The following SORCS2 variants were observed in gnomAD, a reference collection of about 807,000 sequenced individuals.
SORCS2 encodes sortilin related VPS10 domain containing receptor 2, also known as VPS10 domain-containing receptor SorCS2.
Under a neutral mutation model 141.6 loss-of-function variants are expected in SORCS2, and 100 were observed. The observed-to-expected ratio is 0.71, with a 90% CI of 0.60 to 0.83. SORCS2 has a LOEUF of 0.83. Ranked by LOEUF, SORCS2 falls within the 40% of genes least tolerant of loss-of-function variation. SORCS2 has a pLI of 0.00. For synonymous variants in SORCS2, 789 were observed against 676.9 expected, an observed-to-expected ratio of 1.17 and a Z score of -2.57; for missense variants, 1,646 against 1,560.2, an observed-to-expected ratio of 1.05 and a Z score of -0.93.
At chr4:7,537,994 G>C (rs1427985353) in intron 3 of SORCS2, among the ~76,000 whole-genome samples, 1 of 152,136 alleles carries the variant, frequency 6.6e-6, no homozygotes, top group Non-Finnish European at 1.5e-5. Flanking sequence ...TCAAAAGAAA[G>C]AAAAGGGGGC....
intron 2 of SORCS2, among the ~76,000 whole-genome samples, chr4:7,518,981 C>T (rs894459139): frequency 2.0e-5 from 3 of 152,216 alleles, no homozygotes; most frequent in African/African-American, 7.2e-5. Flanking sequence ...CTCCTTCACC[C>T]ATACCTGCTG....
chr4:7,457,968 C>G (rs1030266029), intron 2 of SORCS2, among the ~76,000 whole-genome samples: 1 of 152,170 alleles, frequency 6.6e-6, no homozygotes, highest in Non-Finnish European at 1.5e-5. Flanking sequence ...CACTGTTAGC[C>G]CGAGAGGCCG....
chr4:7,596,268 A>G (rs1717270758), intron 3 of SORCS2, among the ~76,000 whole-genome samples: 1 of 152,238 alleles, frequency 6.6e-6, no homozygotes, highest in South Asian at 2.1e-4. Flanking sequence ...GGTGAGATTC[A>G]CAATGGCCAG....
chr4:7,500,292 GGT>G (rs368490504), intron 2 of SORCS2, among the ~76,000 whole-genome samples: 9 of 139,150 alleles, frequency 6.5e-5, no homozygotes, highest in African/African-American at 2.2e-4. Flanking sequence ...GGCAGGATAA[GGT>G]GGATCAATAC....
At chr4:7,245,482 A>G (rs967534823) in intron 1 of SORCS2, among the ~76,000 whole-genome samples, 4 of 152,278 alleles carry the variant, frequency 2.6e-5, no homozygotes, top group Non-Finnish European at 5.9e-5. Context: ...CTTTAGAGTC[A>G]GAAAGACCTG....
At chr4:7,262,335 T>C (rs192248350) in intron 1 of SORCS2, among the ~76,000 whole-genome samples, 12,296 of 144,828 alleles carry the variant, frequency 0.085, 650 homozygotes, top group East Asian at 0.26. Context: ...TCCATCCATC[T>C]ATCCATCCAT....
intron 3 of SORCS2, among the ~76,000 whole-genome samples, chr4:7,543,703 TCCATCCAC>T (rs1157943501): frequency 0.016 from 305 of 18,880 alleles, 14 homozygotes; most frequent in African/African-American, 0.054. Context: ...CACCCATCCA[TCCATCCAC>T]CCATCCACCC....
At chr4:7,249,469 AG>A (rs2108802867) in intron 1 of SORCS2, among the ~76,000 whole-genome samples, 1 of 152,348 alleles carries the variant, frequency 6.6e-6, no homozygotes, top group African/African-American at 2.4e-5. Context: ...TTGCAGAGCA[AG>A]CCCAGGTTCA....
At chr4:7,547,037 C>T (rs1188605507) in intron 3 of SORCS2, among the ~76,000 whole-genome samples, 1 of 152,132 alleles carries the variant, frequency 6.6e-6, no homozygotes, top group Non-Finnish European at 1.5e-5. Flanking sequence ...TTTAACAACC[C>T]CTGCTTTCTG....
At chr4:7,474,590 G>C (rs1274291057) in intron 2 of SORCS2, among the ~76,000 whole-genome samples, 1 of 152,160 alleles carries the variant, frequency 6.6e-6, no homozygotes, top group Non-Finnish European at 1.5e-5. Context: ...TGGGGTGCTG[G>C]GTGGGCCCAG....
chr4:7,358,535 G>A (rs1178416682), intron 1 of SORCS2, among the ~76,000 whole-genome samples: 10 of 152,210 alleles, frequency 6.6e-5, no homozygotes, highest in East Asian at 5.8e-4. Flanking sequence ...ATGCATTCCC[G>A]TCCCAGATGG....
intron 2 of SORCS2, among the ~76,000 whole-genome samples, chr4:7,515,555 TGAG>T (rs1362364982): frequency 7.2e-5 from 11 of 152,204 alleles, no homozygotes; most frequent in Non-Finnish European, 1.5e-4. Context: ...CTCAGCACAT[TGAG>T]GAGGCCTGGA....
intron 3 of SORCS2, among the ~76,000 whole-genome samples, chr4:7,615,177 C>G (rs957787193): frequency 6.6e-6 from 1 of 152,256 alleles, no homozygotes; most frequent in Non-Finnish European, 1.5e-5. Flanking sequence ...ATTCATCCAT[C>G]TGCCTTCCTT....
At chr4:7,558,791 A>G (rs1010652808) in intron 3 of SORCS2, among the ~76,000 whole-genome samples, 5 of 152,186 alleles carry the variant, frequency 3.3e-5, no homozygotes, top group African/African-American at 9.6e-5. Context: ...AGCTTTCCCA[A>G]GGGGGCTGTC....
At chr4:7,661,452 G>A in intron 5 of SORCS2, 48 bp from the exon 6 acceptor site, 1 of 1,544,622 alleles carries the variant, frequency 6.5e-7, no homozygotes, top group Non-Finnish European at 8.8e-7. Context: ...CTGGGGGACG[G>A]GCATGGTGAC....
chr4:7,290,796 T>TTTAATTCA (rs1553828751), intron 1 of SORCS2, among the ~76,000 whole-genome samples: 2 of 151,246 alleles, frequency 1.3e-5, no homozygotes, highest in African/African-American at 2.4e-5. Context: ...GGCTGCATTC[T>TTTAATTCA]TTCATTCATT....
At chr4:7,318,558 A>G (rs570092683) in intron 1 of SORCS2, among the ~76,000 whole-genome samples, 24 of 152,264 alleles carry the variant, frequency 1.6e-4, no homozygotes, top group African/African-American at 5.3e-4. Flanking sequence ...CCCAGTTTTG[A>G]TGGTAAAATG....
chr4:7,365,325 G>C (rs1721812580), intron 1 of SORCS2, among the ~76,000 whole-genome samples: 1 of 152,112 alleles, frequency 6.6e-6, no homozygotes, highest in African/African-American at 2.4e-5. Context: ...GAGGGCGCAA[G>C]GTTTGGGGGT....
At position 7,653,898 on chromosome 4, in the gene SORCS2, C is replaced by T. The variant is rs148625135; in HGVS notation, c.814-236C>T. ...CTCTGTGAGACCCCTCTGGATTTCA[C>T]CCTGGAGAACCTCATCTCCTGGCTC... On this transcript the variant is annotated intron_variant, in intron 4 of 26. Coordinates refer to ENST00000507866, the MANE Select transcript of SORCS2 (RefSeq NM_020777.3). Among the ~76,000 whole-genome samples, 240 of 152,338 alleles carry T rather than the reference C, an allele frequency of 1.6e-3. 3 individuals carry two copies. The highest frequency in any genetic ancestry group is 5.6e-3 in the African/African-American group (233 of 41,582).
Sources: allele counts gnomAD v4.1 joint callset (sites outside exome capture counted in the v4.1 genomes callset), GRCh38; gene constraint gnomAD v4.1.1; transcripts MANE v1.5; gene names NCBI Gene and HGNC (gene_info 2026-07-23, HGNC 2026-07-21).